FSIP1: variants seen among roughly 807,000 people sequenced by gnomAD.
The protein encoded by FSIP1 is fibrous sheath-interacting protein 1.
A neutral mutation model predicts 60.9 loss-of-function variants in FSIP1; 65 were observed. The observed-to-expected ratio is 1.07, with a 90% CI of 0.87 to 1.31. FSIP1 has a LOEUF of 1.31. Among genes scored for constraint, FSIP1 ranks in the 40% most tolerant of loss-of-function variants. The pLI is 0.00. For synonymous variants in FSIP1, 209 were observed against 221.2 expected (o/e 0.94, Z 0.49); for missense variants, 675 against 665.5 (o/e 1.01, Z -0.16).
intron 10 of FSIP1, among the ~76,000 whole-genome samples, chr15:39,640,304 T>C (rs1892309922): frequency 6.6e-6 from 1 of 152,200 alleles, no homozygotes; most frequent in African/African-American, 2.4e-5. Context: ...TAGAATTTCT[T>C]CAACTGGAAT....
intron 5 of FSIP1, among the ~76,000 whole-genome samples, chr15:39,762,227 T>C (rs1897525667): frequency 6.6e-6 from 1 of 152,220 alleles, no homozygotes; most frequent in Non-Finnish European, 1.5e-5. Context: ...TTCTACAAGA[T>C]ATCTGAAATC....
chr15:39,624,548 AT>A lies in FSIP1; in HGVS notation c.1189-6304del, dbSNP rs547584695. ...CACATCTAAAAATCAAGGGGGAAAAATAATTGGTGTTCATTTTAATGTCTGT... is the reference window on the plus strand; with the variant it reads ...CACATCTAAAAATCAAGGGGGAAAAAAATTGGTGTTCATTTTAATGTCTGT... On this transcript the variant is annotated intron_variant, in intron 10 of 11. Transcript: ENST00000350221. Among the ~76,000 whole-genome samples the A allele has an allele frequency of 5.4e-3, 823 of 152,308 alleles. 10 individuals are homozygous for A. The highest frequency in any genetic ancestry group is 0.018 in the African/African-American group (766 of 41,568).
At chr15:39,768,719 T>C (rs1457612705) in intron 3 of FSIP1, among the ~76,000 whole-genome samples, 1 of 152,216 alleles carries the variant, frequency 6.6e-6, no homozygotes, top group Admixed American at 6.5e-5. Context: ...ATTCAGATAA[T>C]TGGACAGTCT....
chr15:39,624,643 C>T (rs7169850), intron 10 of FSIP1, among the ~76,000 whole-genome samples: 6,747 of 152,262 alleles, frequency 0.044, 516 homozygotes, highest in African/African-American at 0.16. Context: ...TCCTTCCCTC[C>T]CTTTTCCATT....
chr15:39,750,320 C>G (rs535616555), intron 5 of FSIP1, among the ~76,000 whole-genome samples: 37 of 151,828 alleles, frequency 2.4e-4, no homozygotes, highest in Non-Finnish European at 5.0e-4. Context: ...ACAAAAGACC[C>G]CAAATGGCCA....
intron 10 of FSIP1, among the ~76,000 whole-genome samples, chr15:39,667,037 T>C (rs1157441835): frequency 1.3e-5 from 2 of 152,122 alleles, no homozygotes; most frequent in Non-Finnish European, 2.9e-5. Flanking sequence ...CACAAGACAG[T>C]GGGCGCTGTG....
At chr15:39,694,364 G>T (rs1273193667) in intron 10 of FSIP1, among the ~76,000 whole-genome samples, 1 of 152,088 alleles carries the variant, frequency 6.6e-6, no homozygotes, top group East Asian at 1.9e-4. Flanking sequence ...GGAACATATG[G>T]TTTAAAATAG....
At chr15:39,706,348 C>G (rs907240183) in intron 10 of FSIP1, among the ~76,000 whole-genome samples, 1 of 152,178 alleles carries the variant, frequency 6.6e-6, no homozygotes. Flanking sequence ...AATCTTTACA[C>G]CACTCTTACT....
chr15:39,767,558 T>G (rs561571528), intron 3 of FSIP1, among the ~76,000 whole-genome samples: 1 of 152,314 alleles, frequency 6.6e-6, no homozygotes, highest in South Asian at 2.1e-4. Context: ...ATGTTGCATT[T>G]TCCAAGCCCA....
At chr15:39,778,045 C>A (rs1351158935) in intron 1 of FSIP1, among the ~76,000 whole-genome samples, 1 of 152,162 alleles carries the variant, frequency 6.6e-6, no homozygotes, top group Non-Finnish European at 1.5e-5. Context: ...GTCAGCTCTT[C>A]CCATCTCAGC....
At chr15:39,639,666 A>G (rs1295340936) in intron 10 of FSIP1, among the ~76,000 whole-genome samples, 1 of 152,224 alleles carries the variant, frequency 6.6e-6, no homozygotes, top group African/African-American at 2.4e-5. Flanking sequence ...AGTATACAGC[A>G]GTATATGGAG....
At chr15:39,732,143 T>C (rs1456826707) in intron 8 of FSIP1, among the ~76,000 whole-genome samples, 2 of 152,006 alleles carry the variant, frequency 1.3e-5, no homozygotes, top group South Asian at 2.1e-4. Context: ...CACAACAGGG[T>C]TCGTGCTTCT....
At chr15:39,636,831 G>A (rs1413690359) in intron 10 of FSIP1, among the ~76,000 whole-genome samples, 2 of 152,208 alleles carry the variant, frequency 1.3e-5, no homozygotes, top group African/African-American at 4.8e-5. Flanking sequence ...GTACAAAAGA[G>A]ATTCTTTTAG....
chr15:39,670,850 C>T (rs1223412378), intron 10 of FSIP1, among the ~76,000 whole-genome samples: 1 of 152,182 alleles, frequency 6.6e-6, no homozygotes, highest in Non-Finnish European at 1.5e-5. Context: ...ACTTACGCAA[C>T]ATTTTTATAA....
chr15:39,626,573 T>C (rs865913071), intron 10 of FSIP1, among the ~76,000 whole-genome samples: 2 of 152,134 alleles, frequency 1.3e-5, no homozygotes, highest in Non-Finnish European at 2.9e-5. Flanking sequence ...TGGGAGGTGA[T>C]TGGAACACAG....
intron 11 of FSIP1, among the ~76,000 whole-genome samples, chr15:39,606,784 C>T (rs1232196851): frequency 2.0e-5 from 3 of 152,120 alleles, no homozygotes; most frequent in Non-Finnish European, 2.9e-5. Context: ...TTTGCTAATA[C>T]CATGTTCATC....
At chr15:39,651,081 G>A (rs542359971) in intron 10 of FSIP1, among the ~76,000 whole-genome samples, 2 of 152,268 alleles carry the variant, frequency 1.3e-5, no homozygotes, top group East Asian at 1.9e-4. Flanking sequence ...TCATCTGATG[G>A]GAGGGTGGGC....
intron 10 of FSIP1, among the ~76,000 whole-genome samples, chr15:39,651,558 T>C (rs1195858922): frequency 1.3e-5 from 2 of 152,238 alleles, no homozygotes; most frequent in African/African-American, 4.8e-5. Context: ...ATGGGGCTTA[T>C]TTCATAGAGT....
intron 10 of FSIP1, among the ~76,000 whole-genome samples, chr15:39,699,207 C>G (rs1894955275): frequency 1.3e-5 from 2 of 152,190 alleles, no homozygotes; most frequent in South Asian, 2.1e-4. Context: ...TCTGAGACAG[C>G]ATTTTTAACT....
Sources: gnomAD v4.1 joint callset for allele counts (sites outside exome capture counted in the v4.1 genomes callset) on GRCh38, gnomAD v4.1.1 for gene constraint, MANE v1.5 for transcripts, NCBI Gene and HGNC (gene_info 2026-07-23, HGNC 2026-07-21) for gene names.